Variants in C5 observed in about 807,000 individuals in gnomAD.
C5 encodes the protein C3 and PZP-like alpha-2-macroglobulin domain-containing protein 4.
A neutral mutation model predicts 218.8 loss-of-function variants in C5; 140 were observed. The ratio of observed to expected loss-of-function variants is 0.64; its 90% CI spans 0.56 to 0.74. The LOEUF (loss-of-function observed/expected upper bound fraction) is 0.74, where lower values mean the gene tolerates loss of function less well. Among genes scored for constraint, C5 ranks in the 30% least tolerant of loss-of-function variants. The pLI is 0.00. For missense variants in C5, 1,700 were observed against 1,969.6 expected (o/e 0.86, Z 2.59); for synonymous variants, 614 against 682.3 (o/e 0.90, Z 1.56).
intron 7 of C5, among the ~76,000 whole-genome samples, chr9:121,028,944 C>T (rs1420730831): frequency 2.0e-5 from 3 of 152,136 alleles, no homozygotes; most frequent in African/African-American, 7.2e-5. Context: ...GGGGAGATCA[C>T]AAGACTTAGA....
the C5 span, among the ~76,000 whole-genome samples, chr9:121,067,646 C>A: frequency 6.6e-6 from 1 of 151,700 alleles, no homozygotes; most frequent in Non-Finnish European, 1.5e-5. Flanking sequence ...CTACGCAAAT[C>A]TCATGTCAAA....
chr9:121,035,920 G>T (rs1028026442), intron 4 of C5, among the ~76,000 whole-genome samples: 5 of 151,818 alleles, frequency 3.3e-5, no homozygotes, highest in African/African-American at 1.2e-4. Flanking sequence ...TGTGGTGATG[G>T]GTGCCTGTAG....
chr9:121,020,266 A>G (rs2047353214), intron 11 of C5, 87 bp from the exon 12 acceptor site: 1 of 1,081,668 alleles, frequency 9.2e-7, no homozygotes. Context: ...TCCTTGCTTT[A>G]TAAATTTCTA....
chr9:121,063,709 T>G, the C5 span, among the ~76,000 whole-genome samples: 1 of 152,192 alleles, frequency 6.6e-6, no homozygotes, highest in Non-Finnish European at 1.5e-5. Context: ...ATTTTTATGC[T>G]GTAGTGGCAA....
chr9:120,982,615 A>G, intron 26 of C5, 40 bp downstream of exon 26: 1 of 1,476,336 alleles, frequency 6.8e-7, no homozygotes, highest in Admixed American at 1.7e-5. Flanking sequence ...AACTCAAACT[A>G]AATAAAACTA....
At chr9:120,969,248 G>C (rs2046892610) in intron 32 of C5, 130 bp from the exon 33 acceptor site, 1 of 786,240 alleles carries the variant, frequency 1.3e-6, no homozygotes, top group African/African-American at 1.7e-5. Flanking sequence ...TTTGTGATTT[G>C]GAAGTTTAGA....
chr9:121,040,337 G>A (rs762349772), intron 3 of C5, among the ~76,000 whole-genome samples: 5 of 152,184 alleles, frequency 3.3e-5, no homozygotes, highest in African/African-American at 4.8e-5. Context: ...GGGTGGGGCC[G>A]TAGTAGGTGA....
chr9:120,963,724 C>T lies in C5; in HGVS notation c.4235G>A (p.Arg1412Lys), dbSNP rs2046845462. The T allele has an allele frequency of 1.2e-6, 2 of 1,612,822 alleles. No individual in the cohort carries two copies. The highest frequency in any genetic ancestry group is 2.2e-5 in the East Asian group (1 of 44,870). The change falls in exon 34 of 41, where the codon AGG (arginine) becomes AAG (lysine). Residue 1412 changes from arginine to lysine, a missense_variant. Arg to Lys is a conservative substitution (Grantham distance 26, BLOSUM62 2). Transcript: ENST00000223642. ...IVACASYKPS[R>K]EESSSGSSHA... ...AGAGGATCCAGATGATGATTCTTCC[C>T]TGCTGGGCTTGTAGCTAAAATAAAA... is the stretch of plus-strand genomic sequence containing the variant.
In C5 at chr9:121,016,320, T is replaced by C. The variant is rs763092186; in HGVS notation, c.1930A>G (p.Asn644Asp). 6.8e-6 allele frequency: 11 copies of C among 1,613,966 alleles called. No individual in the cohort carries two copies. Among genetic ancestry groups the C allele is most frequent in the Non-Finnish European group, 9.3e-6 (11 of 1,179,940 alleles). ...CGAGGGLNNA[N>D]VFHLAGLTFL... ...GTAAGTCCAGCTAGGTGGAACACATTGGCATTGTTGAGGCCACCACCTGCC... is the reference window on the plus strand; with the variant it reads ...GTAAGTCCAGCTAGGTGGAACACATCGGCATTGTTGAGGCCACCACCTGCC... Residue 644 changes from asparagine (N) to aspartate (D), a missense_variant, in exon 15 of 41, where the codon AAT becomes GAT. By Grantham distance (23) the Asn-to-Asp change is conservative (BLOSUM62 1). Coordinates refer to ENST00000223642, the MANE Select transcript of C5 (RefSeq NM_001735.3).
At chr9:120,967,259 CAA>C (rs755173508) in intron 33 of C5, among the ~76,000 whole-genome samples, 51 of 73,988 alleles carry the variant, frequency 6.9e-4, no homozygotes, top group East Asian at 4.5e-3. Context: ...AACTCCATCT[CAA>C]AAAAAAAAAA....
chr9:120,999,451 A>G (rs2047142529), intron 20 of C5, among the ~76,000 whole-genome samples: 1 of 152,226 alleles, frequency 6.6e-6, no homozygotes, highest in Admixed American at 6.5e-5. Context: ...AAAGTAGGGA[A>G]TAGTTACCAC....
Position 121,018,578 on chromosome 9 carries a change from AAAGGAAGGAAGGAAGGAAGG to A in C5, c.1507-746_1507-727del, listed in dbSNP as rs56204327. 2.6e-4 allele frequency among the ~76,000 whole-genome samples: 21 copies of A among 80,904 alleles called. No homozygotes were observed. In the South Asian group the frequency reaches 5.4e-3, roughly 21 times the overall value. 53.1% of individuals were successfully genotyped at this position (80,904 alleles called of 152,430 possible). A position where few individuals can be genotyped will look rare whatever the true frequency, so the allele number is the denominator to read the frequency against. ...GACAGAGTGAGACTCCACCAAAAAG[AAAGGAAGGAAGGAAGGAAGG>A]AAGGAAGGAAGGAAGGAAGGCAAGA... On this transcript the variant is annotated intron_variant, in intron 12 of 40. Coordinates refer to ENST00000223642, the MANE Select transcript of C5 (RefSeq NM_001735.3).
chr9:121,009,584 G>A (rs1236564495), intron 17 of C5, among the ~76,000 whole-genome samples: 2 of 152,236 alleles, frequency 1.3e-5, no homozygotes, highest in South Asian at 2.1e-4. Context: ...AAATATATGA[G>A]AGGGGAGAGC....
chr9:120,990,432 C>T (rs1452102766), intron 23 of C5, among the ~76,000 whole-genome samples: 1 of 152,200 alleles, frequency 6.6e-6, no homozygotes, highest in African/African-American at 2.4e-5. Flanking sequence ...GTATATGTCT[C>T]TCCAAAATTC....
At chr9:121,000,002 T>C (rs1393133560) in intron 20 of C5, 1 of 424,866 alleles carries the variant, frequency 2.4e-6, no homozygotes, top group South Asian at 1.7e-5. Context: ...GAGCTTGCAG[T>C]GACCCGAGAT....
In C5 at chr9:121,021,554, G is replaced by A; in HGVS notation, c.1257C>T (p.Ser419=). 1 of 1,613,976 alleles carries A rather than the reference G, an allele frequency of 6.2e-7. No homozygotes were observed. The highest frequency in any genetic ancestry group is 8.5e-7 in the Non-Finnish European group (1 of 1,179,932). The change falls in exon 11 of 41, where the codon TCC becomes TCT. Residue 419 remains serine, a synonymous_variant. Transcript: ENST00000223642. ...CTCCAGATGGGAGATTAAGCACAAAGGAAGCTACTCCATCATCAACACGTG... is the reference window on the plus strand; with the variant it reads ...CTCCAGATGGGAGATTAAGCACAAAAGAAGCTACTCCATCATCAACACGTG... ...SVTRVDDGVA[S]FVLNLPSGVT...
In C5 at chr9:120,989,704, C is replaced by T. The variant is rs1487965842; in HGVS notation, c.3018G>A (p.Gly1006=). 1.2e-6 allele frequency: 2 copies of T among 1,614,126 alleles called. No individual in the cohort carries two copies. The highest frequency in any genetic ancestry group is 1.3e-5 in the African/African-American group (1 of 75,044). The stretch of plus-strand genomic sequence containing the variant: ...CGCTCATCAGCTCCGCCTCTGCACT[C>T]CCTTTGGGGAGGTGGGTTAGGATAT... ...GINILTHLPK[G]SAEAELMSVV... is the part of the protein sequence containing the mutation. The change falls in exon 24 of 41, where the codon GGG becomes GGA. Residue 1006 remains glycine (G), a synonymous_variant. Coordinates refer to ENST00000223642, the MANE Select transcript of C5 (RefSeq NM_001735.3).
intron 25 of C5, among the ~76,000 whole-genome samples, chr9:120,984,560 A>T (rs1405918028): frequency 6.6e-6 from 1 of 152,168 alleles, no homozygotes; most frequent in Non-Finnish European, 1.5e-5. Context: ...ATCTGTATAT[A>T]TAAAGATGCT....
chr9:121,038,072 A>G (rs2047545126), intron 3 of C5, 121 bp from the exon 4 acceptor site: 1 of 539,494 alleles, frequency 1.9e-6, no homozygotes, highest in Non-Finnish European at 3.4e-6. Context: ...ACAAAAGTCC[A>G]TATTTGAAAA....
Sources: allele counts gnomAD v4.1 joint callset (sites outside exome capture counted in the v4.1 genomes callset), GRCh38; gene constraint gnomAD v4.1.1; transcripts MANE v1.5; gene names NCBI Gene and HGNC (gene_info 2026-07-23, HGNC 2026-07-21).